The following KIFC3 variants were observed in gnomAD, a reference collection of about 807,000 sequenced individuals.
KIFC3 encodes kinesin family member C3, also known as kinesin-like protein KIFC3.
In KIFC3, 60 loss-of-function variants were observed where a neutral mutation model predicts 101.8. That is an observed-to-expected ratio of 0.59 (90% CI 0.48 to 0.73). KIFC3 has a LOEUF of 0.73. KIFC3 is among the 30% of genes least tolerant of loss of function. The probability of loss-of-function intolerance (pLI) is 0.00; values close to 1 mark genes in which losing one functional copy is unlikely to be tolerated. For missense variants in KIFC3, 966 were observed against 1,137.1 expected (o/e 0.85, Z 2.16); for synonymous variants, 476 against 482.7 (o/e 0.99, Z 0.18).
At chr16:57,808,453 A>T (rs2054993812) in intron 1 of KIFC3, among the ~76,000 whole-genome samples, 1 of 152,060 alleles carries the variant, frequency 6.6e-6, no homozygotes, top group Non-Finnish European at 1.5e-5. Context: ...AAACCAGCAC[A>T]TGCGTTATTA....
chr16:57,799,721 G>C (rs1598162171), intron 1 of KIFC3, among the ~76,000 whole-genome samples: 2 of 152,224 alleles, frequency 1.3e-5, no homozygotes, highest in South Asian at 2.1e-4. Flanking sequence ...ACAGCCATGT[G>C]ATAACAGGGC....
intron 1 of KIFC3, among the ~76,000 whole-genome samples, chr16:57,822,190 C>A (rs1555630010): frequency 6.6e-6 from 1 of 152,186 alleles, no homozygotes. Flanking sequence ...AAGCTTGGAG[C>A]ACCTTTCGGG....
chr16:57,816,397 G>T (rs1555628837), intron 1 of KIFC3: 2 of 586,624 alleles, frequency 3.4e-6, no homozygotes, highest in Admixed American at 4.7e-5. Flanking sequence ...ACCCGCCTTT[G>T]GTCACAGGAC....
chr16:57,768,533 A>ACACACACACATG (rs782552995), intron 9 of KIFC3, among the ~76,000 whole-genome samples: 1 of 151,582 alleles, frequency 6.6e-6, no homozygotes, highest in South Asian at 2.1e-4. Flanking sequence ...ACACACACAC[A>ACACACACACATG]CACGCACAAT....
intron 1 of KIFC3, among the ~76,000 whole-genome samples, chr16:57,853,705 C>T (rs2056104560): frequency 6.6e-6 from 1 of 152,186 alleles, no homozygotes; most frequent in Non-Finnish European, 1.5e-5. Context: ...AATCTCCGCT[C>T]ACTGCAACCT....
upstream of KIFC3, among the ~76,000 whole-genome samples, chr16:57,805,168 G>A (rs1417417358): frequency 6.6e-6 from 1 of 151,968 alleles, no homozygotes; most frequent in Non-Finnish European, 1.5e-5. Context: ...TGTGGAGTCG[G>A]GGTCTAGCTC....
At chr16:57,774,691 T>A in intron 3 of KIFC3, 1 of 148,688 alleles carries the variant, frequency 6.7e-6, no homozygotes, top group Non-Finnish European at 1.2e-5. Flanking sequence ...CCCGGCTAAT[T>A]TTTTTTTTTT....
chr16:57,795,884 G>GTTTTTGT (rs1555622647), intron 2 of KIFC3, among the ~76,000 whole-genome samples: 2 of 58,786 alleles, frequency 3.4e-5, no homozygotes, highest in African/African-American at 9.9e-5. Flanking sequence ...GGGCTTTTTT[G>GTTTTTGT]TTTTTTTTTT....
At chr16:57,806,515 C>G (rs1483224167), upstream of KIFC3, among the ~76,000 whole-genome samples, 2 of 152,182 alleles carry the variant, frequency 1.3e-5, no homozygotes, top group African/African-American at 4.8e-5. Context: ...CCTTTCGTTA[C>G]TTGATCACAG....
intron 1 of KIFC3, among the ~76,000 whole-genome samples, chr16:57,859,806 G>A (rs1280492133): frequency 6.6e-6 from 1 of 151,890 alleles, no homozygotes; most frequent in African/African-American, 2.4e-5. Flanking sequence ...CAGACCACTT[G>A]AGGGCAGGAG....
intron 3 of KIFC3, among the ~76,000 whole-genome samples, chr16:57,794,498 T>C (rs9934509): frequency 0.15 from 22,320 of 152,104 alleles, 2,618 homozygotes; most frequent in African/African-American, 0.32. Flanking sequence ...AGTGGTGAGA[T>C]TACAGGCCTG....
At chr16:57,824,119 T>C (rs1484393651) in intron 1 of KIFC3, among the ~76,000 whole-genome samples, 1 of 152,206 alleles carries the variant, frequency 6.6e-6, no homozygotes, top group Non-Finnish European at 1.5e-5. Flanking sequence ...TGTCCTGGTT[T>C]TGGCACTGAA....
rs1555611568 is a variant in KIFC3 at position 57,775,906 on chromosome 16, G to A, written c.316-3618C>T. 3 of 985,444 alleles carry A rather than the reference G, an allele frequency of 3.0e-6. No individual in the cohort carries two copies. In the African/African-American group the frequency reaches 5.2e-5, roughly 17 times the overall value. The allele number at this position is 985,444 out of a possible 1,614,324, so 61.0% of individuals were successfully genotyped here. On this transcript the variant is annotated intron_variant, in intron 3 of 19. Transcript: ENST00000445690. ...AGGCTCCTCATCAGCCAGAGCAACT[G>A]AATCACGGGCCTGCTGCAGGGGGCG...
chr16:57,834,948 G>A (rs1287758555), intron 1 of KIFC3, among the ~76,000 whole-genome samples: 1 of 152,240 alleles, frequency 6.6e-6, no homozygotes, highest in Non-Finnish European at 1.5e-5. Flanking sequence ...CTTTTCCCAA[G>A]GAGGTAGATC....
upstream of KIFC3, chr16:57,803,024 GT>G: frequency 6.5e-7 from 1 of 1,535,876 alleles, no homozygotes; most frequent in South Asian, 1.2e-5. Context: ...CACTCACACT[GT>G]TTACAGCGCA....
intron 10 of KIFC3, among the ~76,000 whole-genome samples, chr16:57,766,651 C>T (rs1555603190): frequency 6.6e-6 from 1 of 152,214 alleles, no homozygotes; most frequent in Admixed American, 6.5e-5. Context: ...GCACTGGGGC[C>T]AGGGCTTCTG....
intron 1 of KIFC3, among the ~76,000 whole-genome samples, chr16:57,828,557 G>A (rs1049108750): frequency 2.0e-5 from 3 of 152,322 alleles, no homozygotes; most frequent in East Asian, 1.9e-4. Context: ...GGGGCCCCGC[G>A]GCATTGGACC....
chr16:57,761,887 G>A (rs2049899358), intron 13 of KIFC3, among the ~76,000 whole-genome samples: 1 of 151,520 alleles, frequency 6.6e-6, no homozygotes, highest in African/African-American at 2.4e-5. Flanking sequence ...TTGCAGCCAG[G>A]TCCCTTGACG....
At chr16:57,845,448 A>G (rs1163844664) in intron 1 of KIFC3, among the ~76,000 whole-genome samples, 1 of 152,154 alleles carries the variant, frequency 6.6e-6, no homozygotes, top group Non-Finnish European at 1.5e-5. Flanking sequence ...AGTGAAAACC[A>G]AGGTTCTGCA....
Sources: allele counts gnomAD v4.1 joint callset (sites outside exome capture counted in the v4.1 genomes callset), GRCh38; gene constraint gnomAD v4.1.1; transcripts MANE v1.5; gene names NCBI Gene and HGNC (gene_info 2026-07-23, HGNC 2026-07-21).